Variants in CLASP2 observed in about 807,000 individuals in gnomAD.
CLASP2 encodes the protein cytoplasmic linker associated protein 2.
In CLASP2, 47 loss-of-function variants were observed where a neutral mutation model predicts 194.4. The observed-to-expected ratio is 0.24, with a 90% confidence interval of 0.19 to 0.31. The LOEUF is 0.31. Ranked by LOEUF, CLASP2 falls within the 10% of genes least tolerant of loss-of-function variation. CLASP2 has a pLI of 1.00. For synonymous variants in CLASP2, 619 were observed against 633.5 expected, an observed-to-expected ratio of 0.98 and a Z score of 0.34; for missense variants, 1,445 against 1,823.6, an observed-to-expected ratio of 0.79 and a Z score of 3.78.
chr3:33,513,244 G>A (rs890122516), intron 36 of CLASP2, among the ~76,000 whole-genome samples: 2 of 151,854 alleles, frequency 1.3e-5, no homozygotes, highest in African/African-American at 4.8e-5. Context: ...AACAAAAACA[G>A]AAAACAAAAC....
At chr3:33,668,923 G>C (rs2086660725) in intron 6 of CLASP2, among the ~76,000 whole-genome samples, 1 of 152,120 alleles carries the variant, frequency 6.6e-6, no homozygotes, top group South Asian at 2.1e-4. Context: ...GAATGGCTAG[G>C]GGTAATAAGT....
intron 1 of CLASP2, among the ~76,000 whole-genome samples, chr3:33,698,631 C>G (rs372436975): frequency 3.7e-4 from 57 of 152,116 alleles, no homozygotes; most frequent in African/African-American, 1.4e-3. Flanking sequence ...AACCAAGTGA[C>G]AAAAAAACTG....
chr3:33,678,731 C>T (rs547309159), intron 6 of CLASP2, among the ~76,000 whole-genome samples: 12 of 152,120 alleles, frequency 7.9e-5, no homozygotes, highest in South Asian at 6.2e-4. Context: ...TAAGACTTTA[C>T]GAGGAAAAGT....
Position 33,568,553 on chromosome 3 carries a change from C to CAAAAAAAAAAAAAAAA in CLASP2, c.2764-1835_2764-1820dup, listed in dbSNP as rs568821764. ...TGGGTGACAGAAAGAGATCTTGTCTCAAAAAAAAAAAAAAAAAAAAAATTA... is the reference window on the plus strand; with the variant it reads ...TGGGTGACAGAAAGAGATCTTGTCTCAAAAAAAAAAAAAAAAAAAAAAAAAAAAAAAAAAAAAATTA... On this transcript the variant is annotated intron_variant, in intron 26 of 38. Coordinates refer to ENST00000682230, the MANE Select transcript of CLASP2 (RefSeq NM_001365631.1). Among the ~76,000 whole-genome samples the CAAAAAAAAAAAAAAAA allele has an allele frequency of 6.7e-4, 38 of 56,808 alleles. 2 individuals are homozygous for CAAAAAAAAAAAAAAAA. Among genetic ancestry groups the CAAAAAAAAAAAAAAAA allele is most frequent in the African/African-American group, 1.8e-3 (23 of 13,142 alleles). The allele number at this position is 56,808 out of a possible 152,430, so 37.3% of individuals were successfully genotyped here.
chr3:33,710,985 C>T (rs2092975664), intron 1 of CLASP2, among the ~76,000 whole-genome samples: 1 of 152,166 alleles, frequency 6.6e-6, no homozygotes, highest in African/African-American at 2.4e-5. Context: ...GGAAGCAATA[C>T]ATGCCTCAGC....
chr3:33,517,646 A>G (rs1436052312), intron 34 of CLASP2, among the ~76,000 whole-genome samples: 2 of 152,204 alleles, frequency 1.3e-5, no homozygotes, highest in Non-Finnish European at 2.9e-5. Flanking sequence ...CCACCATTGT[A>G]AACTTCTCCA....
chr3:33,668,310 G>C (rs926648970), intron 6 of CLASP2, among the ~76,000 whole-genome samples: 1 of 152,224 alleles, frequency 6.6e-6, no homozygotes, highest in Non-Finnish European at 1.5e-5. Context: ...GAATGGTTCT[G>C]ATATAAATTT....
intron 37 of CLASP2, chr3:33,501,993 T>C (rs2046960241): frequency 2.5e-6 from 1 of 394,712 alleles, no homozygotes; most frequent in Non-Finnish European, 4.6e-6. Context: ...TATCAGGTTC[T>C]TACTTAGTCT....
chr3:33,659,993 A>T (rs1412145698), intron 7 of CLASP2, among the ~76,000 whole-genome samples: 1 of 152,220 alleles, frequency 6.6e-6, no homozygotes, highest in African/African-American at 2.4e-5. Flanking sequence ...TCCAAGAACA[A>T]TTCTTTTCCT....
At chr3:33,570,010 G>A (rs1391408685) in intron 26 of CLASP2, among the ~76,000 whole-genome samples, 1 of 152,088 alleles carries the variant, frequency 6.6e-6, no homozygotes. Flanking sequence ...GCTCACTTAG[G>A]TTAGAAAGTC....
intron 33 of CLASP2, among the ~76,000 whole-genome samples, 169 bp from the exon 34 acceptor site, chr3:33,535,630 T>G (rs1396961315): frequency 6.6e-6 from 1 of 152,208 alleles, no homozygotes; most frequent in East Asian, 1.9e-4. Flanking sequence ...ACAATTTATA[T>G]TCCAGACGTC....
Position 33,596,738 on chromosome 3 carries a change from T to C in CLASP2, c.1925-4A>G. 1 of 1,563,432 alleles carries C rather than the reference T, an allele frequency of 6.4e-7. No individual in the cohort carries two copies. Among genetic ancestry groups the C allele is most frequent in the Non-Finnish European group, 8.7e-7 (1 of 1,152,012 alleles). ...TCCAGCTTGTCAGAAGTATCCTCTT[T>C]GATGAAAGCACAAGCAAAGAACAGA... On this transcript the variant is annotated splice_region_variant and splice_polypyrimidine_tract_variant and intron_variant, in intron 18 of 38. Coordinates refer to ENST00000682230, the MANE Select transcript of CLASP2 (RefSeq NM_001365631.1).
At chr3:33,714,303 A>G (rs1211947086) in intron 1 of CLASP2, among the ~76,000 whole-genome samples, 1 of 152,216 alleles carries the variant, frequency 6.6e-6, no homozygotes, top group Admixed American at 6.5e-5. Flanking sequence ...GACTACATAT[A>G]TTACATATAT....
intron 8 of CLASP2, among the ~76,000 whole-genome samples, chr3:33,636,930 G>A (rs755247421): frequency 5.9e-5 from 9 of 152,198 alleles, no homozygotes; most frequent in Non-Finnish European, 1.3e-4. Flanking sequence ...AAAATCACCT[G>A]AGAAATAAAC....
chr3:33,629,942 T>C (rs2078760434), intron 9 of CLASP2, among the ~76,000 whole-genome samples: 1 of 151,576 alleles, frequency 6.6e-6, no homozygotes, highest in Non-Finnish European at 1.5e-5. Context: ...TAATTCAGAG[T>C]GAGTAGAAAA....
At chr3:33,633,188 A>G (rs2079426249) in intron 8 of CLASP2, among the ~76,000 whole-genome samples, 1 of 152,190 alleles carries the variant, frequency 6.6e-6, no homozygotes, top group Non-Finnish European at 1.5e-5. Flanking sequence ...TCACTGTGCC[A>G]TCACACAGCA....
At chr3:33,569,779 A>G (rs954703541) in intron 26 of CLASP2, among the ~76,000 whole-genome samples, 7 of 152,204 alleles carry the variant, frequency 4.6e-5, no homozygotes, top group African/African-American at 1.7e-4. Flanking sequence ...TATTTAAATA[A>G]TTAAGTATAT....
intron 26 of CLASP2, among the ~76,000 whole-genome samples, chr3:33,567,698 G>GATTAATA (rs1195217385): frequency 6.6e-6 from 1 of 152,190 alleles, no homozygotes; most frequent in East Asian, 1.9e-4. Flanking sequence ...CTGTTTTACA[G>GATTAATA]ATTAATAATT....
chr3:33,531,592 A>G (rs947146677), intron 34 of CLASP2, among the ~76,000 whole-genome samples: 6 of 152,176 alleles, frequency 3.9e-5, no homozygotes, highest in African/African-American at 1.4e-4. Context: ...CCTGACCAAC[A>G]TGGACAAACC....
Sources: gnomAD v4.1 joint callset for allele counts (sites outside exome capture counted in the v4.1 genomes callset) on GRCh38, gnomAD v4.1.1 for gene constraint, MANE v1.5 for transcripts, NCBI Gene and HGNC (gene_info 2026-07-23, HGNC 2026-07-21) for gene names.